Variants in TTC39C observed in about 807,000 individuals in gnomAD.
The protein encoded by TTC39C is tetratricopeptide repeat domain 39C.
TTC39C carries 33 observed loss-of-function variants against 76.3 expected under a neutral mutation model. That is an observed-to-expected ratio of 0.43 (90% CI 0.33 to 0.58). The LOEUF is 0.58. Ranked by LOEUF, TTC39C falls within the 20% of genes least tolerant of loss-of-function variation. TTC39C has a pLI of 0.04. For synonymous variants in TTC39C, 254 were observed against 260.6 expected, an observed-to-expected ratio of 0.97 and a Z score of 0.24; for missense variants, 595 against 701.4, an observed-to-expected ratio of 0.85 and a Z score of 1.71.
At chr18:24,050,631 G>T (rs1029943037) in intron 1 of TTC39C, among the ~76,000 whole-genome samples, 4 of 151,702 alleles carry the variant, frequency 2.6e-5, no homozygotes, top group African/African-American at 9.7e-5. Flanking sequence ...CAGCCCTTTG[G>T]GAGGCTGAGG....
At chr18:24,065,782 A>G (rs1338975541) in intron 2 of TTC39C, among the ~76,000 whole-genome samples, 1 of 152,238 alleles carries the variant, frequency 6.6e-6, no homozygotes, top group Non-Finnish European at 1.5e-5. Flanking sequence ...CAGTAATGGC[A>G]AGGACATTTA....
In TTC39C at chr18:24,080,928, C is replaced by G; in HGVS notation, c.804C>G (p.Ala268=). 6.2e-7 allele frequency: 1 copy of G among 1,611,448 alleles called. No homozygotes were observed. The highest frequency in any genetic ancestry group is 8.5e-7 in the Non-Finnish European group (1 of 1,178,838). Residue 268 remains alanine, a synonymous_variant, in exon 5 of 14, where the codon GCC becomes GCG. Coordinates refer to ENST00000317571, the MANE Select transcript of TTC39C (RefSeq NM_001135993.2). ...CAAGCGAAAGTAAGGACATGAAGGCCCCTTTAGCTACGTGAGTAGCTGTAT... is the reference window on the plus strand; with the variant it reads ...CAAGCGAAAGTAAGGACATGAAGGCGCCTTTAGCTACGTGAGTAGCTGTAT... ...MYASESKDMK[A]PLATLALLWY...
At chr18:24,041,893 C>T (rs544247396) in intron 1 of TTC39C, among the ~76,000 whole-genome samples, 6 of 152,172 alleles carry the variant, frequency 3.9e-5, no homozygotes, top group South Asian at 2.1e-4. Context: ...CCTTTCAGCC[C>T]GGCGTGATTA....
At chr18:24,103,125 T>C (rs578013274) in intron 6 of TTC39C, among the ~76,000 whole-genome samples, 1 of 152,216 alleles carries the variant, frequency 6.6e-6, no homozygotes, top group South Asian at 2.1e-4. Flanking sequence ...AAAGGGCTCT[T>C]TATTTAGCCT....
At chr18:24,019,289 T>C (rs927810055) in intron 1 of TTC39C, among the ~76,000 whole-genome samples, 1 of 152,188 alleles carries the variant, frequency 6.6e-6, no homozygotes, top group African/African-American at 2.4e-5. Flanking sequence ...ACTTCTGCAG[T>C]CTTTACCTCT....
At chr18:24,131,059 C>CAAAAAAAAAAAAAAAAAA (rs1599355879) in intron 12 of TTC39C, among the ~76,000 whole-genome samples, 1 of 44,304 alleles carries the variant, frequency 2.3e-5, no homozygotes, top group African/African-American at 7.3e-5. Context: ...AAAAAAAAAT[C>CAAAAAAAAAAAAAAAAAA]AAAAAACATA....
At chr18:24,098,172 T>C (rs1568436580) in intron 6 of TTC39C, among the ~76,000 whole-genome samples, 2 of 152,182 alleles carry the variant, frequency 1.3e-5, no homozygotes, top group South Asian at 4.1e-4. Flanking sequence ...GTTTATAATA[T>C]TTCTTATCAG....
At chr18:24,022,581 C>T (rs2145656416) in intron 1 of TTC39C, 2 of 985,378 alleles carry the variant, frequency 2.0e-6, no homozygotes, top group South Asian at 9.4e-5. Flanking sequence ...CCTGTCAAAG[C>T]CATTTTGGGG....
intron 4 of TTC39C, among the ~76,000 whole-genome samples, chr18:24,070,926 CT>C (rs200730581): frequency 0.011 from 1,668 of 152,048 alleles, 16 homozygotes; most frequent in Non-Finnish European, 0.016. Context: ...TATATCAGAA[CT>C]TTTTTGTTTT....
Position 24,114,628 on chromosome 18 carries a change from T to A in TTC39C, c.1059T>A (p.His353Gln), listed in dbSNP as rs2084868554. Residue 353 changes from histidine (H) to glutamine (Q), a missense_variant, in exon 7 of 14, where the codon CAT (histidine) becomes CAA (glutamine). Coordinates refer to ENST00000317571, the MANE Select transcript of TTC39C (RefSeq NM_001135993.2). ...ELAVDQREIQ[H>Q]VCLYEIGWCS... ...CAGTAGACCAGAGAGAAATTCAACA[T>A]GTCTGTCTGTATGAAATTGGTAAAT... is the stretch of plus-strand genomic sequence containing the variant. The A allele has an allele frequency of 6.2e-7, 1 of 1,613,402 alleles. No individual in the cohort carries two copies. Among genetic ancestry groups the A allele is most frequent in the Admixed American group, 1.7e-5 (1 of 60,028 alleles).
chr18:24,088,057 G>A (rs1003329529), intron 6 of TTC39C, among the ~76,000 whole-genome samples: 1 of 152,116 alleles, frequency 6.6e-6, no homozygotes, highest in African/African-American at 2.4e-5. Flanking sequence ...TTTTCTTGTG[G>A]CACCTAAATG....
intron 1 of TTC39C, chr18:24,019,865 G>C: frequency 6.5e-7 from 1 of 1,526,956 alleles, no homozygotes; most frequent in South Asian, 1.2e-5. Flanking sequence ...TACAGAAAAA[G>C]TTTTTTGACT....
At chr18:24,029,007 G>A (rs954244846) in intron 1 of TTC39C, among the ~76,000 whole-genome samples, 3 of 152,160 alleles carry the variant, frequency 2.0e-5, no homozygotes, top group Admixed American at 1.3e-4. Context: ...ACAGGCATGG[G>A]CCACCGCGCC....
intron 1 of TTC39C, among the ~76,000 whole-genome samples, chr18:24,018,282 G>A (rs1011731736): frequency 6.6e-6 from 1 of 152,156 alleles, no homozygotes; most frequent in African/African-American, 2.4e-5. Context: ...TTGAACCCAA[G>A]TCCATGTGTT....
intron 6 of TTC39C, among the ~76,000 whole-genome samples, chr18:24,110,493 A>T (rs1038496025): frequency 1.3e-5 from 2 of 151,948 alleles, no homozygotes; most frequent in African/African-American, 2.4e-5. Flanking sequence ...AGGAAATTAA[A>T]TATATATATA....
intron 1 of TTC39C, among the ~76,000 whole-genome samples, chr18:24,039,177 GA>G (rs752551913): frequency 9.9e-4 from 151 of 152,292 alleles, no homozygotes; most frequent in Non-Finnish European, 1.6e-3. Flanking sequence ...ACTGCAACTC[GA>G]AATAATTATT....
rs556132828 is a variant in TTC39C, at chr18:24,133,032, T to C, written c.*458T>C. The C allele has an allele frequency of 6.5e-6, 1 of 153,268 alleles. No homozygotes were observed. Among genetic ancestry groups the C allele is most frequent in the African/African-American group, 2.4e-5 (1 of 41,612 alleles). 9.5% of individuals were successfully genotyped at this position (153,268 alleles called of 1,614,324 possible). A position where few individuals can be genotyped will look rare whatever the true frequency, so the allele number is the denominator to read the frequency against. On this transcript the variant is annotated 3_prime_UTR_variant, in exon 14 of 14. Transcript: ENST00000317571. Reference sequence around the variant, plus strand: ...AAAAGTGCTTTCTAGTGTTTTACTTTATCCTCAAAATACTCCAGTGAATAA... The same window carrying C: ...AAAAGTGCTTTCTAGTGTTTTACTTCATCCTCAAAATACTCCAGTGAATAA...
intron 1 of TTC39C, among the ~76,000 whole-genome samples, chr18:24,033,429 C>T (rs905535703): frequency 6.6e-6 from 1 of 152,146 alleles, no homozygotes; most frequent in Non-Finnish European, 1.5e-5. Context: ...CACGTTGAAT[C>T]TCTCCTCCAA....
intron 5 of TTC39C, among the ~76,000 whole-genome samples, chr18:24,082,216 T>A (rs190731714): frequency 0.015 from 2,275 of 151,878 alleles, 40 homozygotes; most frequent in East Asian, 0.1. Context: ...TTTTTTTTTT[T>A]AAATAATGAG....
Sources: allele counts gnomAD v4.1 joint callset (sites outside exome capture counted in the v4.1 genomes callset), GRCh38; gene constraint gnomAD v4.1.1; transcripts MANE v1.5; gene names NCBI Gene and HGNC (gene_info 2026-07-23, HGNC 2026-07-21).